Variants in PWWP2B observed in about 807,000 individuals in gnomAD.
The protein encoded by PWWP2B is PWWP domain containing 2B, also known as PWWP domain-containing protein 2B.
A neutral mutation model predicts 15.5 loss-of-function variants in PWWP2B; 9 were observed. That is an observed-to-expected ratio of 0.58 (90% CI 0.35 to 1.02). The LOEUF (loss-of-function observed/expected upper bound fraction) is 1.02, where lower values mean the gene tolerates loss of function less well. Among genes scored for constraint, PWWP2B ranks in the 50% least tolerant of loss-of-function variants. The probability of loss-of-function intolerance (pLI) is 0.02; values close to 1 mark genes in which losing one functional copy is unlikely to be tolerated. For synonymous variants in PWWP2B, 474 were observed against 403.6 expected (o/e 1.17, Z -2.09); for missense variants, 864 against 865.3 (o/e 1.00, Z 0.02).
chr10:132,409,181 C>T (rs1348225918), intron 2 of PWWP2B, among the ~76,000 whole-genome samples: 2 of 152,208 alleles, frequency 1.3e-5, no homozygotes, highest in South Asian at 2.1e-4. Context: ...TGGTCACGGC[C>T]GGCTCCAGGG....
rs1311484717 is a variant in PWWP2B at position 132,405,565 on chromosome 10, G to A, written c.1065G>A (p.Gly355=). Residue 355 remains glycine (G), a synonymous_variant, in exon 2 of 3, where the codon GGG becomes GGA. Transcript: ENST00000305233. Reference sequence around the variant, plus strand: ...CCGTGTACCGGGCCGAGCTGGTGGGGGAGCTGAACGGGTACCTGCGGGACA... The same window carrying A: ...CCGTGTACCGGGCCGAGCTGGTGGGAGAGCTGAACGGGTACCTGCGGGACA... ...HEPVYRAELV[G]ELNGYLRDSS... is the part of the protein sequence containing the mutation. The A allele has an allele frequency of 1.2e-6, 2 of 1,607,262 alleles. No individual in the cohort carries two copies. The highest frequency in any genetic ancestry group is 1.7e-6 in the Non-Finnish European group (2 of 1,179,148).
Position 132,405,086 on chromosome 10 carries a change from G to A in PWWP2B, c.586G>A (p.Ala196Thr). Residue 196 changes from alanine to threonine, a missense_variant, in exon 2 of 3, where the codon GCC becomes ACC. Ala to Thr is a moderately conservative substitution (Grantham distance 58). Coordinates refer to ENST00000305233, the MANE Select transcript of PWWP2B (RefSeq NM_138499.4). Reference sequence around the variant, plus strand: ...CCCGGAGGCCAGCCCCGGACCCCCAGCCGCGCCCAGGGCCCGCAGGAGGCT... The same window carrying A: ...CCCGGAGGCCAGCCCCGGACCCCCAACCGCGCCCAGGGCCCGCAGGAGGCT... ...SPPEASPGPP[A>T]APRARRRLGS... The A allele has an allele frequency of 6.5e-7, 1 of 1,530,114 alleles. No individual in the cohort carries two copies. The highest frequency in any genetic ancestry group is 1.2e-5 in the South Asian group (1 of 83,112). The allele number at this position is 1,530,114 out of a possible 1,614,324, so 94.8% of individuals were successfully genotyped here.
chr10:132,411,713 C>A (rs1219180044), intron 2 of PWWP2B, among the ~76,000 whole-genome samples: 1 of 152,254 alleles, frequency 6.6e-6, no homozygotes, highest in Non-Finnish European at 1.5e-5. Context: ...TCGGCAGGAG[C>A]CGCTGCCGGG....
rs766953563 is a variant in PWWP2B, at chr10:132,404,790, C to G, written c.290C>G (p.Thr97Ser). The G allele has an allele frequency of 7.9e-6, 12 of 1,513,380 alleles. No individual in the cohort carries two copies. In the East Asian group the frequency reaches 9.2e-5, roughly 12 times the overall value. 93.7% of individuals were successfully genotyped at this position (1,513,380 alleles called of 1,614,324 possible). Residue 97 changes from threonine to serine, a missense_variant, in exon 2 of 3, where the codon ACC becomes AGC. Physicochemically the swap from Thr to Ser is moderately conservative, Grantham distance 58. Transcript: ENST00000305233. ...CGCGGGGTTCAGCCCCCCGAGACCACCCGCCCCGAGCCACCCCCGCCCCTC... is the reference window on the plus strand; with the variant it reads ...CGCGGGGTTCAGCCCCCCGAGACCAGCCGCCCCGAGCCACCCCCGCCCCTC... ...PARGVQPPET[T>S]RPEPPPPLVP...
At position 132,406,170 on chromosome 10, in the gene PWWP2B, G is replaced by A. The variant is rs762806412; in HGVS notation, c.1670G>A (p.Arg557His). ...GAATTTTTCAAACTGAGATTTAATCGTAAGAAGAAGGGGATGTATCGGAAA... is the reference window on the plus strand; with the variant it reads ...GAATTTTTCAAACTGAGATTTAATCATAAGAAGAAGGGGATGTATCGGAAA... Reference protein sequence around the residue: ...FSEFFKLRFNRKKKGMYRKAI... With the variant: ...FSEFFKLRFNHKKKGMYRKAI... Residue 557 changes from arginine (R) to histidine (H), a missense_variant, in exon 2 of 3, where the codon CGT (arginine) becomes CAT (histidine). Around this residue, in one of 2 missense-constraint regions of PWWP2B, gnomAD observed 128 missense variants for 177.6 expected, o/e 0.72. Transcript: ENST00000305233. The A allele has an allele frequency of 2.5e-6, 4 of 1,613,466 alleles. No homozygotes were observed. The highest frequency in any genetic ancestry group is 1.7e-5 in the Admixed American group (1 of 60,016).
At chr10:132,413,974 G>C (rs1266289545) in intron 2 of PWWP2B, among the ~76,000 whole-genome samples, 1 of 152,258 alleles carries the variant, frequency 6.6e-6, no homozygotes, top group African/African-American at 2.4e-5. Flanking sequence ...AGGGCTCCCA[G>C]GCAGGTGGGG....
In PWWP2B at chr10:132,405,403, C is replaced by A; in HGVS notation, c.903C>A (p.Ser301=). 1.2e-6 allele frequency: 2 copies of A among 1,610,908 alleles called. No homozygotes were observed. The highest frequency in any genetic ancestry group is 1.7e-5 in the Admixed American group (1 of 59,920). ...SQDPEVLDRE[S]RDRPSCAPSA... is the part of the protein sequence containing the mutation. ...ACCCCGAGGTGCTGGACAGAGAGTC[C>A]CGGGACCGGCCGTCCTGCGCGCCCT... Residue 301 remains serine, a synonymous_variant, in exon 2 of 3, where the codon TCC becomes TCA. Coordinates refer to ENST00000305233, the MANE Select transcript of PWWP2B (RefSeq NM_138499.4).
At chr10:132,399,895 C>T (rs2069592808) in intron 1 of PWWP2B, among the ~76,000 whole-genome samples, 2 of 152,334 alleles carry the variant, frequency 1.3e-5, no homozygotes, top group South Asian at 4.1e-4. Context: ...CTCCTGGCTC[C>T]ATCTCTGAGC....
intron 2 of PWWP2B, among the ~76,000 whole-genome samples, chr10:132,411,519 G>T (rs1470420513): frequency 6.6e-6 from 1 of 152,254 alleles, no homozygotes; most frequent in African/African-American, 2.4e-5. Flanking sequence ...GGAAGCAGGG[G>T]TGGAGATGGG....
chr10:132,404,561 G>T, intron 1 of PWWP2B, 65 bp from the exon 2 acceptor site: 5 of 1,412,226 alleles, frequency 3.5e-6, no homozygotes, highest in African/African-American at 1.4e-5. Flanking sequence ...GGCTCTGGGG[G>T]CTGGTGCGGG....
At chr10:132,408,579 A>G (rs2069734157) in intron 2 of PWWP2B, among the ~76,000 whole-genome samples, 2 of 152,178 alleles carry the variant, frequency 1.3e-5, no homozygotes. Flanking sequence ...GCTCCCGCCC[A>G]CCGGCCACCC....
chr10:132,403,339 C>CT (rs1454451710), intron 1 of PWWP2B, among the ~76,000 whole-genome samples: 1 of 152,222 alleles, frequency 6.6e-6, no homozygotes, highest in Non-Finnish European at 1.5e-5. Context: ...ATCTCCCTCT[C>CT]TTTTTTCTCT....
chr10:132,404,595 C>CG, intron 1 of PWWP2B, 31 bp from the exon 2 acceptor site: 1 of 1,588,272 alleles, frequency 6.3e-7, no homozygotes, highest in Non-Finnish European at 8.6e-7. Flanking sequence ...AGGGTCCCTT[C>CG]TCACTGTGGT....
intron 2 of PWWP2B, among the ~76,000 whole-genome samples, chr10:132,414,563 C>T (rs893983751): frequency 6.6e-6 from 1 of 151,614 alleles, no homozygotes; most frequent in Non-Finnish European, 1.5e-5. Context: ...GGGAGGGACC[C>T]CAGGGGCTGG....
intron 1 of PWWP2B, among the ~76,000 whole-genome samples, chr10:132,403,286 G>A (rs757673657): frequency 5.4e-5 from 8 of 147,262 alleles, no homozygotes; most frequent in African/African-American, 5.0e-5. Context: ...TGCCCTCCCC[G>A]GCGAGTCGCA....
chr10:132,407,020 G>A (rs1003635881), intron 2 of PWWP2B, among the ~76,000 whole-genome samples: 3 of 152,220 alleles, frequency 2.0e-5, no homozygotes, highest in Non-Finnish European at 4.4e-5. Flanking sequence ...GCCAGGCCTT[G>A]TGTGGATTCT....
At position 132,404,759 on chromosome 10, in the gene PWWP2B, C is replaced by CCCACCCACACTTACACCCACACTTACAT; in HGVS notation, c.260_261insCACCCACACTTACACCCACACTTACATC (p.Ala88ThrfsTer101). ...GCAGCTGGGGTCCAGCTCCCCCCCT[C>CCCACCCACACTTACACCCACACTTACAT]CTGCCCGCGGGGTTCAGCCCCCCGA... On this transcript the variant is annotated frameshift_variant, in exon 2 of 3. Coordinates refer to ENST00000305233, the MANE Select transcript of PWWP2B (RefSeq NM_138499.4). LOFTEE classifies it high-confidence loss of function. 6.3e-7 allele frequency: 1 copy of CCCACCCACACTTACACCCACACTTACAT among 1,590,168 alleles called. No individual in the cohort carries two copies. Among genetic ancestry groups the CCCACCCACACTTACACCCACACTTACAT allele is most frequent in the Non-Finnish European group, 8.6e-7 (1 of 1,168,444 alleles).
At chr10:132,401,587 G>T (rs1004318681) in intron 1 of PWWP2B, among the ~76,000 whole-genome samples, 2 of 152,224 alleles carry the variant, frequency 1.3e-5, no homozygotes, top group African/African-American at 4.8e-5. Flanking sequence ...TAGGGGGTGG[G>T]TGTGTGGGGA....
intron 1 of PWWP2B, among the ~76,000 whole-genome samples, chr10:132,403,486 C>T (rs577946006): frequency 5.8e-4 from 89 of 152,328 alleles, no homozygotes; most frequent in African/African-American, 1.9e-3. Flanking sequence ...GTTTTCCTGA[C>T]GCGCTCACAG....
Sources: allele counts gnomAD v4.1 joint callset (sites outside exome capture counted in the v4.1 genomes callset), GRCh38; gene constraint gnomAD v4.1.1; regional missense constraint gnomAD v4.1.1; transcripts MANE v1.5; gene names NCBI Gene and HGNC (gene_info 2026-07-23, HGNC 2026-07-21).